MYO19: variants seen among roughly 807,000 people sequenced by gnomAD.
MYO19 encodes unconventional myosin-XIX.
A neutral mutation model predicts 129.2 loss-of-function variants in MYO19; 132 were observed. That is an observed-to-expected ratio of 1.02 (90% confidence interval 0.89 to 1.18). The LOEUF (loss-of-function observed/expected upper bound fraction) is 1.18. Among genes scored for constraint, MYO19 ranks in the 50% most tolerant of loss-of-function variants. The pLI is 0.00. For missense variants in MYO19, 1,210 were observed against 1,216.7 expected, an observed-to-expected ratio of 0.99 and a Z score of 0.08; for synonymous variants, 531 against 477.2, an observed-to-expected ratio of 1.11 and a Z score of -1.47.
chr17:36,516,849 T>TTA (rs2072786328), intron 6 of MYO19, among the ~76,000 whole-genome samples: 1 of 152,258 alleles, frequency 6.6e-6, no homozygotes. Context: ...AGGTGGCAAC[T>TTA]TACTTTGTAG....
intron 11 of MYO19, chr17:36,512,548 G>T: frequency 8.7e-7 from 1 of 1,146,644 alleles, no homozygotes; most frequent in Non-Finnish European, 1.1e-6. Flanking sequence ...AGGCAGAAGG[G>T]CTGTGGCAGA....
At chr17:36,506,880 C>A in intron 17 of MYO19, 83 bp downstream of exon 17, 2 of 1,414,048 alleles carry the variant, frequency 1.4e-6, no homozygotes, top group South Asian at 1.5e-5. Context: ...AAAGGACTCA[C>A]GATGGGAAAC....
intron 6 of MYO19, among the ~76,000 whole-genome samples, chr17:36,519,084 T>C (rs1310539245): frequency 6.6e-6 from 1 of 152,162 alleles, no homozygotes; most frequent in Non-Finnish European, 1.5e-5. Flanking sequence ...TTTGTAGATA[T>C]GGGTTTTCCC....
rs536315670 is a variant in MYO19 at position 36,515,247 on chromosome 17, G to T, written c.548-65C>A. 41 of 1,466,020 alleles carry T rather than the reference G, an allele frequency of 2.8e-5. 1 individual carries two copies. The South Asian group carries it at 4.8e-4, about 17-fold the overall frequency. 90.8% of individuals were successfully genotyped at this position (1,466,020 alleles called of 1,614,324 possible). On this transcript the variant is annotated intron_variant, in intron 7 of 25. Coordinates refer to ENST00000614623, the MANE Select transcript of MYO19 (RefSeq NM_001163735.2). The stretch of plus-strand genomic sequence containing the variant: ...TGCAGAGTCCTCATAAGCCAAGGTG[G>T]CTGCAGGTCTCTGGAGGTCATGTTC...
In MYO19 at chr17:36,528,126, CCACCCA is replaced by C. The variant is rs777770576; in HGVS notation, c.83_88del (p.Leu28_Gly30delinsArg). On this transcript the variant is annotated inframe_deletion, in exon 4 of 26. Coordinates refer to ENST00000614623, the MANE Select transcript of MYO19 (RefSeq NM_001163735.2). ...ATCCAGTTTGTACAGCAGGACCTCC[CCACCCA>C]GGAACTCCTGCAGGTCTTCTCTGAG... 2.5e-6 allele frequency: 4 copies of C among 1,613,580 alleles called. No homozygotes were observed. Among genetic ancestry groups the C allele is most frequent in the Admixed American group, 1.7e-5 (1 of 59,954 alleles).
Position 36,501,419 on chromosome 17 carries a change from G to C in MYO19, c.2081-184C>G, listed in dbSNP as rs964434700. 2.8e-5 allele frequency: 17 copies of C among 616,448 alleles called. No individual in the cohort carries two copies. The African/African-American group carries it at 2.9e-4, about 11-fold the overall frequency. 38.2% of individuals were successfully genotyped at this position (616,448 alleles called of 1,614,324 possible). On this transcript the variant is annotated intron_variant, in intron 21 of 25. Transcript: ENST00000614623. ...AAACAGCCTCTCTGTTGTCCCTCAGGGTGCTAGCTGTTCCGTGGAGCCTTG... is the reference window on the plus strand; with the variant it reads ...AAACAGCCTCTCTGTTGTCCCTCAGCGTGCTAGCTGTTCCGTGGAGCCTTG...
At position 36,507,792 on chromosome 17, in the gene MYO19, C is replaced by A; in HGVS notation, c.1353+11G>T. The A allele has an allele frequency of 6.2e-7, 1 of 1,601,386 alleles. No homozygotes were observed. On this transcript the variant is annotated intron_variant, in intron 15 of 25. Transcript: ENST00000614623. The stretch of plus-strand genomic sequence containing the variant: ...AAGAAGGACCTGCCTCCTGCTCACC[C>A]CATCCCTCACCTGCTGGGCCCTTAG...
At chr17:36,528,696 A>C (rs1197326901) in intron 3 of MYO19, among the ~76,000 whole-genome samples, 1 of 152,116 alleles carries the variant, frequency 6.6e-6, no homozygotes, top group Non-Finnish European at 1.5e-5. Context: ...TCTTTGAGTC[A>C]CAGTTTGTTT....
chr17:36,538,630 G>A (rs375449647), upstream of MYO19: 4 of 1,531,774 alleles, frequency 2.6e-6, no homozygotes, highest in African/African-American at 5.6e-5. Context: ...GCAGGAGTAG[G>A]ATATATAAGT....
intron 8 of MYO19, 62 bp from the exon 9 acceptor site, chr17:36,514,610 A>G (rs1443126573): frequency 1.7e-6 from 2 of 1,152,674 alleles, no homozygotes; most frequent in African/African-American, 1.5e-5. Context: ...ATGTCTGGCA[A>G]TCTGGGTGTG....
At chr17:36,498,985 T>C in intron 24 of MYO19, 90 bp downstream of exon 24, 1 of 1,056,016 alleles carries the variant, frequency 9.5e-7, no homozygotes, top group South Asian at 1.4e-5. Context: ...GCCACCTGCA[T>C]TGCAGTGGCA....
intron 23 of MYO19, 74 bp from the exon 24 acceptor site, chr17:36,499,234 A>AACTGTGGTGCTGCT: frequency 9.5e-7 from 1 of 1,058,064 alleles, no homozygotes; most frequent in Non-Finnish European, 1.4e-6. Context: ...TCGCTGCAGC[A>AACTGTGGTGCTGCT]GCACCACAGT....
At chr17:36,520,808 G>A (rs1310347198) in intron 6 of MYO19, among the ~76,000 whole-genome samples, 8 of 152,180 alleles carry the variant, frequency 5.3e-5, no homozygotes, top group Non-Finnish European at 1.5e-5. Flanking sequence ...TATGTTATTT[G>A]TCAGGTTTCC....
At chr17:36,531,083 A>G (rs2073806787) in intron 3 of MYO19, among the ~76,000 whole-genome samples, 1 of 152,008 alleles carries the variant, frequency 6.6e-6, no homozygotes, top group African/African-American at 2.4e-5. Context: ...ATAAAAATAA[A>G]TAAACAAAAA....
intron 19 of MYO19, 129 bp from the exon 20 acceptor site, chr17:36,504,149 AT>A: frequency 1.6e-6 from 1 of 637,166 alleles, no homozygotes; most frequent in Non-Finnish European, 2.5e-6. Flanking sequence ...GGCTTGGCTA[AT>A]GGGGGTATCT....
At chr17:36,527,904 A>C (rs1356287339) in intron 4 of MYO19, among the ~76,000 whole-genome samples, 160 bp downstream of exon 4, 1 of 152,256 alleles carries the variant, frequency 6.6e-6, no homozygotes. Flanking sequence ...GCCCAGGTGC[A>C]GCTGTCATGC....
chr17:36,513,809 G>A (rs550322449), intron 9 of MYO19, 84 bp from the exon 10 acceptor site: 6 of 1,219,086 alleles, frequency 4.9e-6, no homozygotes, highest in African/African-American at 1.5e-5. Context: ...GTTGGGATAA[G>A]AGGAGAGTTG....
At chr17:36,509,227 G>GAT in intron 13 of MYO19, 92 bp from the exon 14 acceptor site, 3 of 1,107,436 alleles carry the variant, frequency 2.7e-6, no homozygotes, top group Non-Finnish European at 4.1e-6. Flanking sequence ...GCTACACCCT[G>GAT]GGGGGCCCTT....
In MYO19 at chr17:36,516,007, C is replaced by T. The variant is rs369647233; in HGVS notation, c.415-17G>A. 2.5e-6 allele frequency: 4 copies of T among 1,600,904 alleles called. No homozygotes were observed. Among genetic ancestry groups the T allele is most frequent in the Non-Finnish European group, 3.4e-6 (4 of 1,173,284 alleles). On this transcript the variant is annotated splice_polypyrimidine_tract_variant and intron_variant, in intron 6 of 25. Transcript: ENST00000614623. ...CGTCCATGTCTGTGGCAGAAACAGC[C>T]CTGTGGGAGCTGTATCTATGCTCCC...
Sources: gnomAD v4.1 joint callset for allele counts (sites outside exome capture counted in the v4.1 genomes callset) on GRCh38, gnomAD v4.1.1 for gene constraint, MANE v1.5 for transcripts, NCBI Gene and HGNC (gene_info 2026-07-23, HGNC 2026-07-21) for gene names.